Variants in SGTB observed in about 807,000 individuals in gnomAD.
The protein encoded by SGTB is small glutamine rich tetratricopeptide repeat co-chaperone beta.
SGTB carries 19 observed loss-of-function variants against 43.9 expected under a neutral mutation model. That is an observed-to-expected ratio of 0.43 (90% CI 0.30 to 0.63). The LOEUF (loss-of-function observed/expected upper bound fraction) is 0.63. SGTB is among the 30% of genes least tolerant of loss of function. The pLI is 0.12. For synonymous variants in SGTB, 116 were observed against 117.3 expected, an observed-to-expected ratio of 0.99 and a Z score of 0.07; for missense variants, 304 against 358.9, an observed-to-expected ratio of 0.85 and a Z score of 1.24.
At chr5:65,690,619 A>T (rs1351061252) in intron 5 of SGTB, among the ~76,000 whole-genome samples, 1 of 152,226 alleles carries the variant, frequency 6.6e-6, no homozygotes, top group Non-Finnish European at 1.5e-5. Flanking sequence ...ATGTAGAAAC[A>T]CTAATATTAA....
chr5:65,703,854 G>A (rs1261933519), intron 5 of SGTB, among the ~76,000 whole-genome samples: 1 of 151,936 alleles, frequency 6.6e-6, no homozygotes, highest in African/African-American at 2.4e-5. Context: ...TGGCTAACAC[G>A]GTGAAACCCC....
At chr5:65,674,414 C>T (rs1287198346) in intron 8 of SGTB, among the ~76,000 whole-genome samples, 2 of 152,162 alleles carry the variant, frequency 1.3e-5, no homozygotes, top group Admixed American at 1.3e-4. Flanking sequence ...ACAGGAAACA[C>T]CTCTGCTCCA....
chr5:65,706,310 A>G (rs1277115845), intron 4 of SGTB, among the ~76,000 whole-genome samples: 3 of 152,192 alleles, frequency 2.0e-5, no homozygotes, highest in Admixed American at 6.5e-5. Context: ...TTCCATGTCA[A>G]ACATTTTAAT....
At chr5:65,712,699 C>T (rs1204126962) in intron 3 of SGTB, among the ~76,000 whole-genome samples, 2 of 152,054 alleles carry the variant, frequency 1.3e-5, no homozygotes, top group Non-Finnish European at 1.5e-5. Flanking sequence ...TACTCAGATA[C>T]TGTAAAGAAC....
intron 4 of SGTB, among the ~76,000 whole-genome samples, chr5:65,708,270 G>C (rs1757973103): frequency 6.6e-6 from 1 of 152,182 alleles, no homozygotes; most frequent in East Asian, 1.9e-4. Context: ...TTTTACAACA[G>C]ATCTGCTTCT....
chr5:65,678,181 C>T (rs1220973544), intron 8 of SGTB, among the ~76,000 whole-genome samples: 1 of 152,188 alleles, frequency 6.6e-6, no homozygotes, highest in Non-Finnish European at 1.5e-5. Context: ...GCAAAAATTG[C>T]TAGCATTCCT....
Position 65,671,923 on chromosome 5 carries a change from G to A in SGTB, c.795C>T (p.Leu265=), listed in dbSNP as rs959972611. ...GVGGLTDLSS[L]IQAGQQFAQQ... ...TTTTAAATAATACTTACGCTTGGAT[G>A]AGGCTTGACAGGTCAGTTAGGCCCC... is the stretch of plus-strand genomic sequence containing the variant. The change falls in exon 10 of 11, where the codon CTC becomes CTT. Residue 265 remains leucine (L), a synonymous_variant. Transcript: ENST00000381007. 2 of 1,613,718 alleles carry A rather than the reference G, an allele frequency of 1.2e-6. No individual in the cohort carries two copies. The highest frequency in any genetic ancestry group is 1.3e-5 in the African/African-American group (1 of 74,914).
chr5:65,683,544 C>G (rs990480566), intron 6 of SGTB, among the ~76,000 whole-genome samples: 5 of 152,098 alleles, frequency 3.3e-5, no homozygotes, highest in African/African-American at 7.2e-5. Flanking sequence ...CCCTAAAATA[C>G]AGCATTGTTT....
intron 5 of SGTB, among the ~76,000 whole-genome samples, chr5:65,694,810 G>T (rs776976451): frequency 6.6e-6 from 1 of 152,120 alleles, no homozygotes; most frequent in East Asian, 1.9e-4. Context: ...CTAGGCACAG[G>T]GGGAAGCACA....
rs1427728331 is a variant in SGTB, at chr5:65,669,053, G to A, written c.*1193C>T. 1 of 152,070 alleles carries A rather than the reference G, an allele frequency of 6.6e-6. No individual in the cohort carries two copies. Among genetic ancestry groups the A allele is most frequent in the Admixed American group, 6.5e-5 (1 of 15,272 alleles). 9.4% of individuals were successfully genotyped at this position (152,070 alleles called of 1,614,324 possible). ...TAAACTCTCATCATCAATGTAGTTA[G>A]ACCCATGCAATTAATACCTAATGCC... On this transcript the variant is annotated 3_prime_UTR_variant, in exon 11 of 11. Transcript: ENST00000381007.
intron 5 of SGTB, among the ~76,000 whole-genome samples, chr5:65,692,197 T>C (rs995667544): frequency 1.3e-5 from 2 of 152,032 alleles, no homozygotes; most frequent in East Asian, 3.9e-4. Flanking sequence ...GAAATATATG[T>C]AAAGGAAACG....
At chr5:65,712,781 C>T (rs10471313) in intron 3 of SGTB, among the ~76,000 whole-genome samples, 180 bp downstream of exon 3, 2,629 of 152,178 alleles carry the variant, frequency 0.017, 77 homozygotes, top group African/African-American at 0.061. Context: ...ATATGAAAAT[C>T]TAAAGCACAT....
intron 8 of SGTB, among the ~76,000 whole-genome samples, chr5:65,675,227 A>T (rs944278020): frequency 2.0e-5 from 3 of 152,246 alleles, no homozygotes; most frequent in African/African-American, 7.2e-5. Flanking sequence ...GAAGACAAAC[A>T]CATGAGATAT....
At chr5:65,700,002 C>A (rs1362347434) in intron 5 of SGTB, among the ~76,000 whole-genome samples, 1 of 152,080 alleles carries the variant, frequency 6.6e-6, no homozygotes, top group Non-Finnish European at 1.5e-5. Context: ...TGGTAAAAAC[C>A]TGTCAAATAT....
At chr5:65,693,325 G>C (rs764983192) in intron 5 of SGTB, among the ~76,000 whole-genome samples, 1 of 147,316 alleles carries the variant, frequency 6.8e-6, no homozygotes, top group Admixed American at 6.9e-5. Flanking sequence ...AAGAGAGAAA[G>C]AAAGAGGAGA....
intron 6 of SGTB, among the ~76,000 whole-genome samples, chr5:65,682,705 G>A (rs986115174): frequency 1.6e-4 from 24 of 152,182 alleles, no homozygotes; most frequent in Non-Finnish European, 2.9e-4. Context: ...GGGAACATGA[G>A]TTCTGTCTGG....
rs1300366829 is a variant in SGTB at position 65,673,072 on chromosome 5, CAGT to C, written c.682-794_682-792del. Reference sequence around the variant, plus strand: ...CAATCCCTTTAAACTAGTTCTGCAGCAGTAGTTCTTCCCCTTCTCCCACAATCT... The same window carrying C: ...CAATCCCTTTAAACTAGTTCTGCAGCAGTTCTTCCCCTTCTCCCACAATCT... On this transcript the variant is annotated intron_variant, in intron 8 of 10. Coordinates refer to ENST00000381007, the MANE Select transcript of SGTB (RefSeq NM_019072.3). Among the ~76,000 whole-genome samples, 41 of 152,288 alleles carry C rather than the reference CAGT, an allele frequency of 2.7e-4. 1 individual carries two copies. The highest frequency in any genetic ancestry group is 9.9e-4 in the African/African-American group (41 of 41,566).
At chr5:65,701,583 G>A (rs2150717056) in intron 5 of SGTB, among the ~76,000 whole-genome samples, 1 of 151,510 alleles carries the variant, frequency 6.6e-6, no homozygotes, top group South Asian at 2.1e-4. Context: ...ATAGGGCTCT[G>A]CTGTCTGATA....
At chr5:65,697,106 C>T (rs1757729496) in intron 5 of SGTB, among the ~76,000 whole-genome samples, 1 of 152,184 alleles carries the variant, frequency 6.6e-6, no homozygotes, top group African/African-American at 2.4e-5. Context: ...GGCAAGATTA[C>T]AGGCTACTGA....
Sources: gnomAD v4.1 joint callset for allele counts (sites outside exome capture counted in the v4.1 genomes callset) on GRCh38, gnomAD v4.1.1 for gene constraint, MANE v1.5 for transcripts, NCBI Gene and HGNC (gene_info 2026-07-23, HGNC 2026-07-21) for gene names.